The following JARID2 variants were observed in gnomAD, a reference collection of about 807,000 sequenced individuals.
The protein encoded by JARID2 is protein Jumonji.
JARID2 carries 21 observed loss-of-function variants against 125.6 expected under a neutral mutation model. The observed-to-expected ratio is 0.17, with a 90% CI of 0.12 to 0.24. JARID2 has a LOEUF of 0.24. JARID2 is among the 10% of genes least tolerant of loss of function. The probability of loss-of-function intolerance (pLI) is 1.00; values close to 1 mark genes in which losing one functional copy is unlikely to be tolerated. For missense variants in JARID2, 1,303 were observed against 1,639.6 expected, an observed-to-expected ratio of 0.79 and a Z score of 3.55; for synonymous variants, 736 against 661.6, an observed-to-expected ratio of 1.11 and a Z score of -1.73.
In JARID2 at chr6:15,501,282, T is replaced by G; in HGVS notation, c.2321T>G (p.Leu774Arg). 1 of 1,613,390 alleles carries G rather than the reference T, an allele frequency of 6.2e-7. No individual in the cohort carries two copies. Among genetic ancestry groups the G allele is most frequent in the Non-Finnish European group, 8.5e-7 (1 of 1,179,692 alleles). Reference protein sequence around the residue: ...VAPRNGFRSKLKEVGQAQLKT... With the variant: ...VAPRNGFRSKRKEVGQAQLKT... ...CCCAGGAACGGCTTCCGCAGCAAGCTCAAGGAGGTGGGCCAGGCCCAGTTG... is the reference window on the plus strand; with the variant it reads ...CCCAGGAACGGCTTCCGCAGCAAGCGCAAGGAGGTGGGCCAGGCCCAGTTG... Residue 774 changes from leucine to arginine, a missense_variant, in exon 8 of 18, where the codon CTC becomes CGC. Transcript: ENST00000341776.
chr6:15,469,438 C>CTTTCTTTCT (rs1457221117), intron 5 of JARID2, among the ~76,000 whole-genome samples: 19 of 130,488 alleles, frequency 1.5e-4, no homozygotes, highest in Non-Finnish European at 9.6e-5. Context: ...CCTTTCTTTC[C>CTTTCTTTCT]TTTCTTTCTT....
intron 17 of JARID2, among the ~76,000 whole-genome samples, chr6:15,519,415 A>G (rs1027476077): frequency 6.6e-6 from 1 of 152,118 alleles, no homozygotes; most frequent in East Asian, 1.9e-4. Flanking sequence ...TCAGGCCCTC[A>G]GATGTTTCAT....
intron 3 of JARID2, among the ~76,000 whole-genome samples, chr6:15,442,485 C>T (rs544832648): frequency 9.2e-5 from 14 of 152,256 alleles, no homozygotes; most frequent in Admixed American, 7.2e-4. Context: ...TTATGTAGTC[C>T]CTTCTGCCTT....
At chr6:15,497,819 A>G (rs1770537468) in intron 7 of JARID2, among the ~76,000 whole-genome samples, 1 of 152,112 alleles carries the variant, frequency 6.6e-6, no homozygotes, top group Non-Finnish European at 1.5e-5. Context: ...ACTGGATTAT[A>G]GAGGCTGGAA....
intron 1 of JARID2, among the ~76,000 whole-genome samples, chr6:15,312,917 C>G (rs1342891080): frequency 1.3e-5 from 2 of 152,158 alleles, no homozygotes; most frequent in East Asian, 3.8e-4. Flanking sequence ...CACTAGGGGA[C>G]AAAACAAGCA....
At chr6:15,248,047 A>G (rs550454350) in intron 1 of JARID2, 1 of 985,392 alleles carries the variant, frequency 1.0e-6, no homozygotes, top group Admixed American at 6.1e-5. Flanking sequence ...GTTGAGGTGG[A>G]GAGCAGCGTG....
intron 3 of JARID2, among the ~76,000 whole-genome samples, chr6:15,434,978 T>G (rs1205521238): frequency 6.6e-6 from 1 of 152,264 alleles, no homozygotes; most frequent in Admixed American, 6.5e-5. Flanking sequence ...TCTGTTTGGT[T>G]CTTTTCAAAT....
intron 1 of JARID2, among the ~76,000 whole-genome samples, chr6:15,284,136 A>G (rs1241415007): frequency 2.0e-5 from 3 of 152,104 alleles, no homozygotes; most frequent in African/African-American, 7.2e-5. Flanking sequence ...AGAATACGAA[A>G]ATGTTCTGAG....
At chr6:15,476,812 TGG>T (rs1769362089) in intron 5 of JARID2, among the ~76,000 whole-genome samples, 1 of 152,208 alleles carries the variant, frequency 6.6e-6, no homozygotes, top group Non-Finnish European at 1.5e-5. Flanking sequence ...CACTGCTTCA[TGG>T]GTATTTATAT....
At chr6:15,423,723 T>G (rs542093567) in intron 3 of JARID2, among the ~76,000 whole-genome samples, 65 of 152,314 alleles carry the variant, frequency 4.3e-4, no homozygotes, top group African/African-American at 1.5e-3. Context: ...ATGGGATATC[T>G]GTTTGCAGGA....
At chr6:15,266,608 A>C (rs1337180961) in intron 1 of JARID2, among the ~76,000 whole-genome samples, 1 of 152,150 alleles carries the variant, frequency 6.6e-6, no homozygotes, top group Non-Finnish European at 1.5e-5. Flanking sequence ...GAGTTTTAGG[A>C]ATCTTTCATC....
chr6:15,308,012 A>C (rs776419419), intron 1 of JARID2, among the ~76,000 whole-genome samples: 41 of 152,294 alleles, frequency 2.7e-4, no homozygotes, highest in Admixed American at 7.2e-4. Flanking sequence ...AAAACTTTCG[A>C]GTTTCCATTC....
At chr6:15,458,484 G>A (rs1768294751) in intron 4 of JARID2, among the ~76,000 whole-genome samples, 2 of 152,182 alleles carry the variant, frequency 1.3e-5, no homozygotes, top group Non-Finnish European at 2.9e-5. Context: ...TTTTGGAACT[G>A]CCTGCCTTTT....
chr6:15,449,259 A>C (rs1303898931), intron 3 of JARID2, among the ~76,000 whole-genome samples: 1 of 152,198 alleles, frequency 6.6e-6, no homozygotes, highest in Non-Finnish European at 1.5e-5. Flanking sequence ...ATTTTTTAAA[A>C]AATAACACTA....
At chr6:15,264,606 G>GGTGTGTGTGT (rs1448294101) in intron 1 of JARID2, among the ~76,000 whole-genome samples, 2 of 107,216 alleles carry the variant, frequency 1.9e-5, no homozygotes, top group Non-Finnish European at 4.0e-5. Flanking sequence ...TTAGAAGGTA[G>GGTGTGTGTGT]GTGTGAGTGT....
intron 6 of JARID2, among the ~76,000 whole-genome samples, chr6:15,491,633 T>C (rs1046823043): frequency 6.6e-6 from 1 of 152,248 alleles, no homozygotes; most frequent in Admixed American, 6.5e-5. Context: ...CGTCATAATC[T>C]TGAACGACTA....
At chr6:15,288,311 G>GGGA (rs1761078153) in intron 1 of JARID2, among the ~76,000 whole-genome samples, 1 of 67,042 alleles carries the variant, frequency 1.5e-5, no homozygotes, top group South Asian at 3.7e-4. Context: ...GGTGGGGGTT[G>GGGA]GAGAAAAGGG....
At chr6:15,260,204 A>G (rs1759818109) in intron 1 of JARID2, among the ~76,000 whole-genome samples, 1 of 152,170 alleles carries the variant, frequency 6.6e-6, no homozygotes, top group African/African-American at 2.4e-5. Flanking sequence ...GCAGGGGGCC[A>G]GGGAGGGTCT....
intron 8 of JARID2, 26 bp from the exon 9 acceptor site, chr6:15,504,473 GC>G: frequency 6.4e-7 from 1 of 1,557,136 alleles, no homozygotes; most frequent in Non-Finnish European, 8.9e-7. Flanking sequence ...TGCTTCTGAA[GC>G]TTTACTGTTT....
Sources: gnomAD v4.1 joint callset for allele counts (sites outside exome capture counted in the v4.1 genomes callset) on GRCh38, gnomAD v4.1.1 for gene constraint, MANE v1.5 for transcripts, NCBI Gene and HGNC (gene_info 2026-07-23, HGNC 2026-07-21) for gene names.